DMD: variants seen among roughly 807,000 people sequenced by gnomAD.
DMD encodes the protein dystrophin.
DMD carries 63 observed loss-of-function variants against 330.1 expected under a neutral mutation model. The observed-to-expected ratio is 0.19, with a 90% CI of 0.16 to 0.24. The LOEUF is 0.24. Ranked by LOEUF, DMD falls within the 10% of genes least tolerant of loss-of-function variation. The probability of loss-of-function intolerance (pLI) is 1.00; values close to 1 mark genes in which losing one functional copy is unlikely to be tolerated. For missense variants in DMD, 3,344 were observed against 2,684.1 expected (o/e 1.25, Z -5.43); for synonymous variants, 1,223 against 959.8 (o/e 1.27, Z -5.07).
At chrX:31,326,288 T>C (rs2056782576) in intron 61 of DMD, among the ~76,000 whole-genome samples, 1 of 111,442 alleles carries the variant, frequency 9.0e-6, no homozygotes. Context: ...GTTATCAGAA[T>C]ATGCTTGAAC....
intron 16 of DMD, among the ~76,000 whole-genome samples, chrX:32,548,926 G>A (rs1485925486): frequency 9.0e-6 from 1 of 111,493 alleles, no homozygotes; most frequent in South Asian, 3.7e-4. Context: ...ATAGAATATA[G>A]TTTGACCTAT....
At chrX:33,118,179 C>T (rs1455804355) in intron 1 of DMD, among the ~76,000 whole-genome samples, 2 of 102,512 alleles carry the variant, frequency 2.0e-5, no homozygotes, top group Non-Finnish European at 4.0e-5. Flanking sequence ...GGCGCGATCT[C>T]GGCTCACTGC....
At chrX:32,712,423 A>T (rs965547445) in intron 7 of DMD, among the ~76,000 whole-genome samples, 1 of 111,749 alleles carries the variant, frequency 8.9e-6, no homozygotes, top group African/African-American at 3.2e-5. Flanking sequence ...GTGAAACCTC[A>T]GGATCAAATA....
At chrX:32,271,577 G>A (rs1480285257) in intron 43 of DMD, among the ~76,000 whole-genome samples, 1 of 112,782 alleles carries the variant, frequency 8.9e-6, no homozygotes, top group Non-Finnish European at 1.9e-5. Context: ...TTTTTAAAGC[G>A]TTAGAATTTC....
At chrX:33,080,873 T>C (rs72626073) in intron 1 of DMD, among the ~76,000 whole-genome samples, 17,228 of 110,713 alleles carry the variant, frequency 0.16, 1,314 homozygotes, top group African/African-American at 0.28. Context: ...ACTAAAGTCA[T>C]GTGAACAAAA....
intron 4 of DMD, among the ~76,000 whole-genome samples, chrX:32,825,842 G>A (rs2078649920): frequency 1.8e-5 from 2 of 111,416 alleles, no homozygotes. Flanking sequence ...AAAAATGGAA[G>A]TTATTAAAGG....
At chrX:32,084,267 G>T (rs1316859862) in intron 44 of DMD, among the ~76,000 whole-genome samples, 1 of 111,014 alleles carries the variant, frequency 9.0e-6, no homozygotes, top group African/African-American at 3.3e-5. Flanking sequence ...TGTGTGTGTT[G>T]AGGGGTCATT....
Position 31,773,985 on chromosome X carries a change from A to G in DMD, c.7517T>C (p.Ile2506Thr). 1 of 1,208,551 alleles carries G rather than the reference A, an allele frequency of 8.3e-7. No homozygotes were observed. The highest frequency in any genetic ancestry group is 1.8e-5 in the South Asian group (1 of 56,828). Reference sequence around the variant, plus strand: ...CTTCTGCTTGATGATCATCTCGTTGATATCCTCAAGGTCACCCACCATCAC... The same window carrying G: ...CTTCTGCTTGATGATCATCTCGTTGGTATCCTCAAGGTCACCCACCATCAC... Reference protein sequence around the residue: ...QRVMVGDLEDINEMIIKQKAT... With the variant: ...QRVMVGDLEDTNEMIIKQKAT... The change falls in exon 51 of 79, where the codon ATC becomes ACC. Residue 2506 changes from isoleucine to threonine, a missense_variant. Physicochemically the swap from Ile to Thr is moderately conservative, Grantham distance 89 (BLOSUM62 -1). Transcript: ENST00000357033.
intron 1 of DMD, among the ~76,000 whole-genome samples, chrX:33,054,147 A>G (rs1249854684): frequency 1.8e-5 from 2 of 112,282 alleles, no homozygotes; most frequent in Non-Finnish European, 3.8e-5. Flanking sequence ...GGTAACAGCC[A>G]TGGAAACAGA....
intron 74 of DMD, among the ~76,000 whole-genome samples, chrX:31,168,656 T>G: frequency 8.9e-6 from 1 of 112,004 alleles, no homozygotes; most frequent in Non-Finnish European, 1.9e-5. Flanking sequence ...GAGCAACATC[T>G]ACTTTAAATC....
intron 1 of DMD, among the ~76,000 whole-genome samples, chrX:33,164,241 A>T (rs150342819): frequency 0.011 from 1,175 of 111,761 alleles, 16 homozygotes; most frequent in African/African-American, 0.036. Context: ...CTTGTGCCAA[A>T]TTCATCTGTG....
chrX:31,120,897 C>T lies in DMD; in HGVS notation c.*1022G>A, dbSNP rs773756438. On this transcript the variant is annotated 3_prime_UTR_variant, in exon 79 of 79. Coordinates refer to ENST00000357033, the MANE Select transcript of DMD (RefSeq NM_004006.3). ...TCAATCAATCAATCAACCAACCAAC[C>T]GATTACTCACTCTGATATAATAAGT... 2.7e-5 allele frequency: 3 copies of T among 111,763 alleles called. No individual in the cohort carries two copies. The highest frequency in any genetic ancestry group is 6.5e-5 in the African/African-American group (2 of 30,671). The allele number at this position is 111,763 out of a possible 1,213,427, so 9.2% of individuals were successfully genotyped here.
At chrX:33,210,564 T>C (rs756413213) in intron 1 of DMD, among the ~76,000 whole-genome samples, 1 of 111,551 alleles carries the variant, frequency 9.0e-6, no homozygotes, top group Non-Finnish European at 1.9e-5. Flanking sequence ...AAGGTGACTT[T>C]ACTACTAAAT....
chrX:32,724,078 T>C (rs1341776122), intron 7 of DMD, among the ~76,000 whole-genome samples: 4 of 111,835 alleles, frequency 3.6e-5, no homozygotes, highest in East Asian at 2.8e-4. Context: ...ATGATGACAA[T>C]TAGATTCGAC....
intron 7 of DMD, among the ~76,000 whole-genome samples, chrX:32,741,255 T>C (rs1388452842): frequency 9.0e-6 from 1 of 111,590 alleles, no homozygotes; most frequent in Non-Finnish European, 1.9e-5. Flanking sequence ...CATGACTCTT[T>C]GAGAGGGCAA....
At chrX:32,517,974 T>C in intron 18 of DMD, 34 bp downstream of exon 18, 4 of 1,202,458 alleles carry the variant, frequency 3.3e-6, no homozygotes, top group Non-Finnish European at 4.5e-6. Flanking sequence ...CAGCACAAAA[T>C]GAGTACAGAT....
At chrX:31,154,777 C>G (rs2037906404) in intron 74 of DMD, among the ~76,000 whole-genome samples, 2 of 111,505 alleles carry the variant, frequency 1.8e-5, no homozygotes, top group African/African-American at 6.5e-5. Context: ...GACAACGACT[C>G]CACAGAGAAT....
At chrX:33,150,443 A>C (rs2048230694) in intron 1 of DMD, among the ~76,000 whole-genome samples, 1 of 108,985 alleles carries the variant, frequency 9.2e-6, no homozygotes, top group East Asian at 2.9e-4. Context: ...ACAGATGTGC[A>C]CCACCACGCC....
chrX:31,829,846 T>C (rs2092981338), intron 49 of DMD, among the ~76,000 whole-genome samples: 1 of 112,171 alleles, frequency 8.9e-6, no homozygotes, highest in Non-Finnish European at 1.9e-5. Flanking sequence ...AACTGAAACA[T>C]CTATGTCTCT....
Sources: allele counts gnomAD v4.1 joint callset (sites outside exome capture counted in the v4.1 genomes callset), GRCh38; gene constraint gnomAD v4.1.1; transcripts MANE v1.5; gene names NCBI Gene and HGNC (gene_info 2026-07-23, HGNC 2026-07-21).